Variants in RAPGEF1 observed in about 807,000 individuals in gnomAD.
RAPGEF1 encodes CRK SH3-binding GNRP.
RAPGEF1 carries 33 observed loss-of-function variants against 143.3 expected under a neutral mutation model. The ratio of observed to expected loss-of-function variants is 0.23; its 90% CI spans 0.17 to 0.31. The LOEUF is 0.31. Among genes scored for constraint, RAPGEF1 ranks in the 10% least tolerant of loss-of-function variants. The pLI is 1.00. For missense variants in RAPGEF1, 1,199 were observed against 1,645.4 expected, an observed-to-expected ratio of 0.73 and a Z score of 4.69; for synonymous variants, 629 against 676.5, an observed-to-expected ratio of 0.93 and a Z score of 1.09.
At chr9:131,582,228 G>A (rs546229330) in intron 25 of RAPGEF1, among the ~76,000 whole-genome samples, 9 of 152,194 alleles carry the variant, frequency 5.9e-5, no homozygotes, top group African/African-American at 2.2e-4. Flanking sequence ...TGAGGACACT[G>A]GAATACTGTG....
chr9:131,707,013 C>T (rs891722305), intron 1 of RAPGEF1, among the ~76,000 whole-genome samples: 1 of 152,236 alleles, frequency 6.6e-6, no homozygotes, highest in Non-Finnish European at 1.5e-5. Flanking sequence ...CCAGCTGCTT[C>T]CAATGAAAAT....
rs1972218588 is a variant in RAPGEF1, at chr9:131,655,538, C to T, written c.62-4589G>A. On this transcript the variant is annotated intron_variant, in intron 1 of 26. Coordinates refer to ENST00000683357, the MANE Select transcript of RAPGEF1 (RefSeq NM_001377935.1). This position sits in a 1 kb window ranked among gnomAD's most constrained non-coding sequence, Gnocchi z 4.1. ...GGATCCCATTTACAGTTTATACTTCCTTCTTTATACTTCAACATGGATGTG... is the reference window on the plus strand; with the variant it reads ...GGATCCCATTTACAGTTTATACTTCTTTCTTTATACTTCAACATGGATGTG... Among the ~76,000 whole-genome samples, 1 of 152,218 alleles carries T rather than the reference C, an allele frequency of 6.6e-6. No individual in the cohort carries two copies. Among genetic ancestry groups the T allele is most frequent in the Non-Finnish European group, 1.5e-5 (1 of 68,042 alleles).
chr9:131,621,846 C>A lies in RAPGEF1; in HGVS notation c.1855G>T (p.Val619Leu), dbSNP rs376953220. The A allele has an allele frequency of 1.9e-6, 3 of 1,611,342 alleles. No individual in the cohort carries two copies. Among genetic ancestry groups the A allele is most frequent in the Non-Finnish European group, 2.5e-6 (3 of 1,178,860 alleles). The change falls in exon 11 of 27, where the codon GTG becomes TTG. Residue 619 changes from valine (V) to leucine (L), a missense_variant. By Grantham distance (32) the Val-to-Leu change is conservative. Coordinates refer to ENST00000683357, the MANE Select transcript of RAPGEF1 (RefSeq NM_001377935.1). This position sits in a 1 kb window ranked among gnomAD's most constrained non-coding sequence, Gnocchi z 4.5. ...GCGGGCGGCGGGGCCAGCTCCTGCA[C>A]GGAGTCCACCCCACTGAAGGAGTCG... is the stretch of plus-strand genomic sequence containing the variant. ...FSDSFSGVDS[V>L]QELAPPPALP...
chr9:131,670,507 GA>G (rs1188211041), intron 1 of RAPGEF1, among the ~76,000 whole-genome samples: 1 of 152,190 alleles, frequency 6.6e-6, no homozygotes, highest in Non-Finnish European at 1.5e-5. Flanking sequence ...ACTGTAAGAG[GA>G]GAAGAAAAGA....
rs1463787654 is a variant in RAPGEF1 at position 131,626,277 on chromosome 9, C to T, written c.1347G>A (p.Leu449=). ...GSPFLGPPFQ[L]PLGGHPQPDG... ...CTGGCTGGGGATGGCCGCCAAGAGGCAGCTGGAAAGGAGGGCCAAGAAATG... is the reference window on the plus strand; with the variant it reads ...CTGGCTGGGGATGGCCGCCAAGAGGTAGCTGGAAAGGAGGGCCAAGAAATG... The change falls in exon 10 of 27, where the codon CTG becomes CTA. Residue 449 remains leucine (L), a synonymous_variant. Coordinates refer to ENST00000683357, the MANE Select transcript of RAPGEF1 (RefSeq NM_001377935.1). 2 of 1,613,846 alleles carry T rather than the reference C, an allele frequency of 1.2e-6. No individual in the cohort carries two copies. Among genetic ancestry groups the T allele is most frequent in the East Asian group, 2.2e-5 (1 of 44,894 alleles).
At chr9:131,586,231 C>T (rs564856003) in intron 22 of RAPGEF1, among the ~76,000 whole-genome samples, 2 of 149,442 alleles carry the variant, frequency 1.3e-5, no homozygotes, top group East Asian at 2.0e-4. Context: ...CACACACACA[C>T]ACCTGCAGAG....
chr9:131,678,582 G>A (rs1177940084), intron 1 of RAPGEF1, among the ~76,000 whole-genome samples: 1 of 152,180 alleles, frequency 6.6e-6, no homozygotes, highest in African/African-American at 2.4e-5. Flanking sequence ...ACAGAAATAT[G>A]TTCCTCCCCA....
At chr9:131,624,023 G>A (rs953745467) in intron 10 of RAPGEF1, among the ~76,000 whole-genome samples, 1 of 152,132 alleles carries the variant, frequency 6.6e-6, no homozygotes, top group Non-Finnish European at 1.5e-5. Context: ...CACAGGGTAC[G>A]GAGAAGACCA....
intron 12 of RAPGEF1, among the ~76,000 whole-genome samples, chr9:131,614,751 A>G (rs1958642865): frequency 6.6e-6 from 1 of 152,266 alleles, no homozygotes; most frequent in South Asian, 2.1e-4. Flanking sequence ...TTTTGCCCAG[A>G]ATGGGATGCC....
At chr9:131,598,446 A>AT (rs1386469606) in intron 15 of RAPGEF1, 136 bp from the exon 16 acceptor site, 6 of 729,466 alleles carry the variant, frequency 8.2e-6, no homozygotes, top group Non-Finnish European at 1.5e-5. Context: ...CTACGTCACT[A>AT]TGGACTGGAT....
chr9:131,580,151 A>T, intron 26 of RAPGEF1, 112 bp downstream of exon 26: 1 of 1,377,130 alleles, frequency 7.3e-7, no homozygotes, highest in Non-Finnish European at 9.9e-7. Flanking sequence ...CAGCAGTGGC[A>T]GGTCCCTGGG....
At chr9:131,580,751 TCTC>T (rs1010515788) in intron 25 of RAPGEF1, among the ~76,000 whole-genome samples, 15 of 151,474 alleles carry the variant, frequency 9.9e-5, no homozygotes, top group African/African-American at 3.6e-4. Context: ...GGGGCAGAGA[TCTC>T]CTTTTATTAA....
chr9:131,675,951 G>C lies in RAPGEF1; in HGVS notation c.62-25002C>G, dbSNP rs960435038. On this transcript the variant is annotated intron_variant, in intron 1 of 26. Transcript: ENST00000683357. This position sits in a 1 kb window ranked among gnomAD's most constrained non-coding sequence, Gnocchi z 4.6. Reference sequence around the variant, plus strand: ...TAATCTCGCCCTGTGGCCCAGGCTGGAGTGTAGTGGCATGGTCGTAGCTCA... The same window carrying C: ...TAATCTCGCCCTGTGGCCCAGGCTGCAGTGTAGTGGCATGGTCGTAGCTCA... Among the ~76,000 whole-genome samples the C allele has an allele frequency of 2.6e-5, 4 of 151,860 alleles. No individual in the cohort carries two copies. The highest frequency in any genetic ancestry group is 4.8e-5 in the African/African-American group (2 of 41,310).
At chr9:131,677,152 C>T (rs1832474259) in intron 1 of RAPGEF1, among the ~76,000 whole-genome samples, 1 of 152,254 alleles carries the variant, frequency 6.6e-6, no homozygotes, top group South Asian at 2.1e-4. Context: ...GGAACTTACA[C>T]GTCTGCTTTG....
chr9:131,625,162 G>T (rs996013558), intron 10 of RAPGEF1, among the ~76,000 whole-genome samples: 9 of 152,232 alleles, frequency 5.9e-5, no homozygotes, highest in Non-Finnish European at 1.2e-4. Flanking sequence ...CACACACATT[G>T]AAACGGTGAC....
At chr9:131,594,558 G>A (rs1354205945) in intron 17 of RAPGEF1, among the ~76,000 whole-genome samples, 2 of 152,192 alleles carry the variant, frequency 1.3e-5, no homozygotes, top group East Asian at 3.9e-4. Context: ...TCGTGATGCT[G>A]GTGCAGTCTC....
rs146039935 is a variant in RAPGEF1 at position 131,592,088 on chromosome 9, G to A, written c.2774+11C>T. 6,712 of 1,597,398 alleles carry A rather than the reference G, an allele frequency of 4.2e-3. 36 individuals carry two copies. Among genetic ancestry groups the A allele is most frequent in the South Asian group, 0.011 (984 of 90,690 alleles). On this transcript the variant is annotated intron_variant, in intron 18 of 26. Coordinates refer to ENST00000683357, the MANE Select transcript of RAPGEF1 (RefSeq NM_001377935.1). ...TGGTGCAGGGGCCCTGGGTCAGGAA[G>A]GAAAGGATATCTGTACTGCAGCTTC...
At chr9:131,666,643 C>T (rs1830486314) in intron 1 of RAPGEF1, among the ~76,000 whole-genome samples, 1 of 152,120 alleles carries the variant, frequency 6.6e-6, no homozygotes, top group Admixed American at 6.5e-5. Context: ...CCTCAGCCTC[C>T]CTAAGTGCTG....
At chr9:131,683,767 C>T (rs1451983353) in intron 1 of RAPGEF1, among the ~76,000 whole-genome samples, 1 of 152,246 alleles carries the variant, frequency 6.6e-6, no homozygotes, top group Non-Finnish European at 1.5e-5. Flanking sequence ...GAGGTATTGA[C>T]TGCTTTTGAT....
Sources: allele counts gnomAD v4.1 joint callset (sites outside exome capture counted in the v4.1 genomes callset), GRCh38; gene constraint gnomAD v4.1.1; non-coding constraint Gnocchi (gnomAD v3.1); transcripts MANE v1.5; gene names NCBI Gene and HGNC (gene_info 2026-07-23, HGNC 2026-07-21).